Variants in ARHGEF7 observed in about 807,000 individuals in gnomAD.
ARHGEF7 encodes the protein PAK-interacting exchange factor beta.
Under a neutral mutation model 109.8 loss-of-function variants are expected in ARHGEF7, and 33 were observed. The ratio of observed to expected loss-of-function variants is 0.30; its 90% CI spans 0.23 to 0.40. The LOEUF is 0.40. Ranked by LOEUF, ARHGEF7 falls within the 10% of genes least tolerant of loss-of-function variation. The pLI, the probability that ARHGEF7 is intolerant of heterozygous loss-of-function variation, is 1.00. For missense variants in ARHGEF7, 938 were observed against 1,098.5 expected, an observed-to-expected ratio of 0.85 and a Z score of 2.07; for synonymous variants, 458 against 424.6, an observed-to-expected ratio of 1.08 and a Z score of -0.97.
rs2087424826 is a variant in ARHGEF7 at position 111,239,652 on chromosome 13, A to G, written c.760-4220A>G. Among the ~76,000 whole-genome samples the G allele has an allele frequency of 6.6e-6, 1 of 152,004 alleles. No individual in the cohort carries two copies. The highest frequency in any genetic ancestry group is 1.5e-5 in the Non-Finnish European group (1 of 67,996). On this transcript the variant is annotated intron_variant, in intron 6 of 21. Coordinates refer to ENST00000646102, the MANE Select transcript of ARHGEF7 (RefSeq NM_001354046.2). The surrounding 1 kb of genome is among the most constrained non-coding windows in gnomAD (Gnocchi z 4.3). Reference sequence around the variant, plus strand: ...GGCCCGTAGGTGGAGATGGTTAATGATGAGGGGCCCTGAGGTATCAGGGAG... The same window carrying G: ...GGCCCGTAGGTGGAGATGGTTAATGGTGAGGGGCCCTGAGGTATCAGGGAG...
intron 6 of ARHGEF7, chr13:111,241,121 C>T: frequency 6.6e-7 from 1 of 1,514,588 alleles, no homozygotes; most frequent in Non-Finnish European, 8.8e-7. Flanking sequence ...CCTCTCCATG[C>T]CTCGTGACCC....
chr13:111,210,570 C>T (rs1044490828), intron 4 of ARHGEF7, among the ~76,000 whole-genome samples: 3 of 152,114 alleles, frequency 2.0e-5, no homozygotes, highest in South Asian at 4.1e-4. Context: ...TTTAAAAATG[C>T]TCAGGATACA....
chr13:111,153,679 G>A (rs565234647), intron 1 of ARHGEF7: 2 of 1,248,786 alleles, frequency 1.6e-6, no homozygotes, highest in Non-Finnish European at 2.0e-6. Context: ...TCCTGGTGCG[G>A]GAAGGGGCAG....
At chr13:111,229,068 GGC>G (rs2085639952) in intron 5 of ARHGEF7, among the ~76,000 whole-genome samples, 1 of 151,974 alleles carries the variant, frequency 6.6e-6, no homozygotes, top group African/African-American at 2.4e-5. Context: ...GAGTGGGGAG[GGC>G]ATTGCACCTG....
intron 17 of ARHGEF7, among the ~76,000 whole-genome samples, chr13:111,286,978 C>T (rs992803426): frequency 6.6e-6 from 1 of 152,202 alleles, no homozygotes; most frequent in African/African-American, 2.4e-5. Context: ...TGAGCTCAGC[C>T]TTTGTTGGTC....
intron 8 of ARHGEF7, among the ~76,000 whole-genome samples, chr13:111,250,595 T>C (rs934826849): frequency 6.6e-6 from 1 of 152,092 alleles, no homozygotes; most frequent in African/African-American, 2.4e-5. Context: ...ACTTCGTCAA[T>C]TGTCTGACAC....
Position 111,277,607 on chromosome 13 carries a change from T to C in ARHGEF7, c.1440T>C (p.Leu480=). ...AGSEEKNERY[L]LLFPNVLLML... Reference sequence around the variant, plus strand: ...ATTAGGAAAAGAATGAAAGATATCTTCTACTCTTCCCAAATGTTTTGCTAA... The same window carrying C: ...ATTAGGAAAAGAATGAAAGATATCTCCTACTCTTCCCAAATGTTTTGCTAA... Residue 480 remains leucine, a synonymous_variant, in exon 13 of 22, where the codon CTT becomes CTC. Coordinates refer to ENST00000646102, the MANE Select transcript of ARHGEF7 (RefSeq NM_001354046.2). 1.9e-6 allele frequency: 3 copies of C among 1,605,998 alleles called. No homozygotes were observed. Among genetic ancestry groups the C allele is most frequent in the Non-Finnish European group, 2.6e-6 (3 of 1,173,086 alleles).
intron 3 of ARHGEF7, among the ~76,000 whole-genome samples, chr13:111,206,916 C>T (rs888354903): frequency 6.3e-5 from 9 of 142,966 alleles, no homozygotes; most frequent in African/African-American, 1.6e-4. Context: ...GAGCCGAGAT[C>T]GCGCCACTGC....
At chr13:111,270,966 T>C (rs368541417) in intron 9 of ARHGEF7, among the ~76,000 whole-genome samples, 240 of 152,284 alleles carry the variant, frequency 1.6e-3, no homozygotes, top group African/African-American at 5.1e-3. Flanking sequence ...GATGTGTGTG[T>C]GCGGAACAGG....
intron 4 of ARHGEF7, among the ~76,000 whole-genome samples, chr13:111,215,068 TC>T (rs2082951000): frequency 6.6e-6 from 1 of 152,058 alleles, no homozygotes; most frequent in African/African-American, 2.4e-5. Flanking sequence ...TTCCACTAGT[TC>T]TTTTTTTGTT....
intron 5 of ARHGEF7, among the ~76,000 whole-genome samples, chr13:111,222,372 A>C (rs1184257036): frequency 2.6e-5 from 4 of 152,158 alleles, no homozygotes; most frequent in African/African-American, 9.7e-5. Context: ...GTTGTTCTCT[A>C]ATTACCTAAG....
rs547974831 is a variant in ARHGEF7, at chr13:111,180,443, C to T, written c.253-24846C>T. ...ATATTTTCCATTTTATGAGAAGTAA[C>T]GGTGGAAATACAGAAGAGGTAGAAA... On this transcript the variant is annotated intron_variant, in intron 2 of 21. Coordinates refer to ENST00000646102, the MANE Select transcript of ARHGEF7 (RefSeq NM_001354046.2). Among the ~76,000 whole-genome samples the T allele has an allele frequency of 4.2e-4, 64 of 152,210 alleles. 1 individual carries two copies. In the South Asian group the frequency reaches 0.012, roughly 29 times the overall value.
chr13:111,216,035 GTTT>G (rs2083090472), intron 4 of ARHGEF7, among the ~76,000 whole-genome samples: 1 of 152,044 alleles, frequency 6.6e-6, no homozygotes, highest in African/African-American at 2.4e-5. Flanking sequence ...TTTGTCTTTA[GTTT>G]TCAGAAGTTT....
At position 111,184,101 on chromosome 13, in the gene ARHGEF7, C is replaced by T. The variant is rs118047964; in HGVS notation, c.253-21188C>T. Among the ~76,000 whole-genome samples, 141 of 152,178 alleles carry T rather than the reference C, an allele frequency of 9.3e-4. 2 individuals are homozygous for T. In the East Asian group the frequency reaches 0.022, roughly 24 times the overall value. ...TAATTGAATCACGGGTTGGTTTCCC[C>T]GCCGTTCTCATGATCGTGAATTAGT... On this transcript the variant is annotated intron_variant, in intron 2 of 21. Coordinates refer to ENST00000646102, the MANE Select transcript of ARHGEF7 (RefSeq NM_001354046.2).
In ARHGEF7 at chr13:111,186,147, CG is replaced by C. The variant is rs1157067978; in HGVS notation, c.253-19141del. Among the ~76,000 whole-genome samples the C allele has an allele frequency of 5.9e-5, 9 of 152,216 alleles. No homozygotes were observed. In the South Asian group the frequency reaches 1.5e-3, roughly 25 times the overall value. On this transcript the variant is annotated intron_variant, in intron 2 of 21. Coordinates refer to ENST00000646102, the MANE Select transcript of ARHGEF7 (RefSeq NM_001354046.2). The stretch of plus-strand genomic sequence containing the variant: ...CTGTTGGGGCTGCGCTTCCCTGCCT[CG>C]TGTGGAGGTTGCGCCCGGTCTGCAG...
intron 8 of ARHGEF7, among the ~76,000 whole-genome samples, chr13:111,263,252 G>C (rs570976727): frequency 8.5e-4 from 129 of 152,290 alleles, no homozygotes; most frequent in Admixed American, 2.3e-3. Context: ...TGAAACTTTG[G>C]TGATGGCAGT....
chr13:111,191,140 T>C lies in ARHGEF7; in HGVS notation c.253-14149T>C, dbSNP rs1428063671. Among the ~76,000 whole-genome samples, 3 of 152,076 alleles carry C rather than the reference T, an allele frequency of 2.0e-5. No homozygotes were observed. In the East Asian group the frequency reaches 5.8e-4, roughly 29 times the overall value. On this transcript the variant is annotated intron_variant, in intron 2 of 21. Transcript: ENST00000646102. Reference sequence around the variant, plus strand: ...TTGCCATTACAAAACCTGGACTGTTTAGGGAGGAGGTGATGATTTTGGGGG... The same window carrying C: ...TTGCCATTACAAAACCTGGACTGTTCAGGGAGGAGGTGATGATTTTGGGGG...
intron 1 of ARHGEF7, among the ~76,000 whole-genome samples, chr13:111,127,422 G>A (rs1263856920): frequency 2.6e-5 from 4 of 151,968 alleles, no homozygotes; most frequent in Non-Finnish European, 5.9e-5. Flanking sequence ...ATTTTAGGAG[G>A]GAGGATTGCT....
rs527242416 is a variant in ARHGEF7 at position 111,187,918 on chromosome 13, G to A, written c.253-17371G>A. ...ACTCTGAGAGTGGGTGGATCTGCTG[G>A]TGATTTTCAAGCAATGTCTTCCCGT... is the stretch of plus-strand genomic sequence containing the variant. On this transcript the variant is annotated intron_variant, in intron 2 of 21. Coordinates refer to ENST00000646102, the MANE Select transcript of ARHGEF7 (RefSeq NM_001354046.2). Among the ~76,000 whole-genome samples the A allele has an allele frequency of 3.3e-5, 5 of 152,338 alleles. No homozygotes were observed. The East Asian group carries it at 9.6e-4, about 29-fold the overall frequency.
Sources: allele counts gnomAD v4.1 joint callset (sites outside exome capture counted in the v4.1 genomes callset), GRCh38; gene constraint gnomAD v4.1.1; non-coding constraint Gnocchi (gnomAD v3.1); transcripts MANE v1.5; gene names NCBI Gene and HGNC (gene_info 2026-07-23, HGNC 2026-07-21).